Variants in LRRC4C observed in about 807,000 individuals in gnomAD.
LRRC4C encodes the protein leucine-rich repeat-containing protein 4C.
Under a neutral mutation model 33.6 loss-of-function variants are expected in LRRC4C, and 5 were observed. The observed-to-expected ratio is 0.15, with a 90% confidence interval of 0.08 to 0.31. The LOEUF (loss-of-function observed/expected upper bound fraction) is 0.31, where lower values mean the gene tolerates loss of function less well. Ranked by LOEUF, LRRC4C falls within the 10% of genes least tolerant of loss-of-function variation. LRRC4C has a pLI of 1.00. For missense variants in LRRC4C, 560 were observed against 796.7 expected, an observed-to-expected ratio of 0.70 and a Z score of 3.58; for synonymous variants, 329 against 302.0, an observed-to-expected ratio of 1.09 and a Z score of -0.93.
intron 2 of LRRC4C, among the ~76,000 whole-genome samples, chr11:40,909,484 T>A (rs541422211): frequency 1.3e-5 from 2 of 152,214 alleles, no homozygotes; most frequent in Non-Finnish European, 2.9e-5. Context: ...CAGATCAGTA[T>A]CTAAAACAAT....
intron 1 of LRRC4C, among the ~76,000 whole-genome samples, chr11:40,953,031 C>T (rs922333974): frequency 3.3e-5 from 5 of 151,832 alleles, no homozygotes; most frequent in Non-Finnish European, 7.4e-5. Context: ...CATGTAGCAG[C>T]ACCAATGAGC....
At chr11:40,696,281 CATAT>C (rs753906826) in intron 2 of LRRC4C, among the ~76,000 whole-genome samples, 1 of 92,880 alleles carries the variant, frequency 1.1e-5, no homozygotes, top group Admixed American at 9.3e-5. Context: ...CACAATGCCA[CATAT>C]ATATATATAT....
chr11:41,239,321 CAAAAAAAA>C lies in LRRC4C; in HGVS notation c.-496+220102_-496+220109del, dbSNP rs56018613. 5.4e-5 allele frequency among the ~76,000 whole-genome samples: 3 copies of C among 55,168 alleles called. 1 individual carries two copies. The highest frequency in any genetic ancestry group is 9.1e-5 in the Non-Finnish European group (3 of 33,010). The allele number at this position is 55,168 out of a possible 152,430, so 36.2% of individuals were successfully genotyped here. A position where few individuals can be genotyped will look rare whatever the true frequency, so the allele number is the denominator to read the frequency against. ...TGGGTGACAGAGCAAGACTCTGTCTCAAAAAAAAAAAAAAAAAAAAAAAAATGTCCTCC... is the reference window on the plus strand; with the variant it reads ...TGGGTGACAGAGCAAGACTCTGTCTCAAAAAAAAAAAAAAAAATGTCCTCC... On this transcript the variant is annotated intron_variant, in intron 1 of 6. Transcript: ENST00000528697.
chr11:40,535,740 T>C (rs1273179302), intron 3 of LRRC4C, among the ~76,000 whole-genome samples: 1 of 152,226 alleles, frequency 6.6e-6, no homozygotes, highest in African/African-American at 2.4e-5. Flanking sequence ...AGACCAGACA[T>C]GTGAAGAAGG....
chr11:40,751,980 A>G (rs1377392744), intron 2 of LRRC4C, among the ~76,000 whole-genome samples: 3 of 152,116 alleles, frequency 2.0e-5, no homozygotes, highest in African/African-American at 4.8e-5. Context: ...TGACAAATAC[A>G]TCAAGAACAT....
Position 40,915,564 on chromosome 11 carries a change from T to G in LRRC4C, c.-407+18071A>C, listed in dbSNP as rs1480174986. On this transcript the variant is annotated intron_variant, in intron 2 of 6. Transcript: ENST00000528697. ...ATTAATTCAAGATGGATTAAAGACT[T>G]AAATGTTAGACCTAAAACCATAAAA... Among the ~76,000 whole-genome samples, 5 of 152,322 alleles carry G rather than the reference T, an allele frequency of 3.3e-5. 1 individual carries two copies. In the South Asian group the frequency reaches 1.0e-3, roughly 32 times the overall value.
chr11:41,031,875 T>G (rs1253143889), intron 1 of LRRC4C, among the ~76,000 whole-genome samples: 10 of 152,004 alleles, frequency 6.6e-5, no homozygotes, highest in Admixed American at 6.6e-4. Flanking sequence ...TCTGGATACA[T>G]GCCAGAAGCT....
intron 1 of LRRC4C, among the ~76,000 whole-genome samples, chr11:41,069,264 A>C (rs1332177323): frequency 5.3e-5 from 8 of 152,176 alleles, no homozygotes; most frequent in Non-Finnish European, 1.5e-5. Context: ...TTGATGGAAC[A>C]TATCTCCAAA....
intron 2 of LRRC4C, among the ~76,000 whole-genome samples, chr11:40,836,946 G>A (rs1952699591): frequency 6.6e-6 from 1 of 152,016 alleles, no homozygotes; most frequent in Non-Finnish European, 1.5e-5. Context: ...GACAATCAGG[G>A]CTTTATGTTA....
chr11:40,679,679 G>C (rs894793917), intron 2 of LRRC4C, among the ~76,000 whole-genome samples: 2 of 152,190 alleles, frequency 1.3e-5, no homozygotes, highest in African/African-American at 4.8e-5. Context: ...TTGAGCCTGT[G>C]AGTACACAGA....
At chr11:40,793,270 G>T (rs1282738122) in intron 2 of LRRC4C, among the ~76,000 whole-genome samples, 4 of 151,946 alleles carry the variant, frequency 2.6e-5, no homozygotes, top group African/African-American at 7.3e-5. Context: ...AAAATTGAGG[G>T]TCTCGAAAAA....
intron 4 of LRRC4C, among the ~76,000 whole-genome samples, chr11:40,274,152 T>C (rs1942916131): frequency 6.6e-6 from 1 of 151,990 alleles, no homozygotes; most frequent in African/African-American, 2.4e-5. Context: ...TCCTATCTGA[T>C]ACAGCTTTGG....
chr11:40,586,796 G>A (rs1363875823), intron 3 of LRRC4C, among the ~76,000 whole-genome samples: 5 of 151,858 alleles, frequency 3.3e-5, no homozygotes, highest in African/African-American at 9.7e-5. Context: ...TATATGCGGC[G>A]TTATTTCTGA....
At chr11:40,681,147 AG>A (rs1386241154) in intron 2 of LRRC4C, among the ~76,000 whole-genome samples, 1 of 152,208 alleles carries the variant, frequency 6.6e-6, no homozygotes, top group Admixed American at 6.5e-5. Flanking sequence ...GCAGCCTAAT[AG>A]CAGAGGTAAT....
chr11:41,223,279 A>T (rs1253919424), intron 1 of LRRC4C, among the ~76,000 whole-genome samples: 1 of 152,178 alleles, frequency 6.6e-6, no homozygotes, highest in Non-Finnish European at 1.5e-5. Flanking sequence ...CTGAGTTTCA[A>T]ATCAGAGAAG....
chr11:40,534,667 G>A (rs1178036126), intron 3 of LRRC4C, among the ~76,000 whole-genome samples: 1 of 152,142 alleles, frequency 6.6e-6, no homozygotes, highest in Non-Finnish European at 1.5e-5. Flanking sequence ...CCATTACTAT[G>A]TGAAATTCAG....
intron 2 of LRRC4C, among the ~76,000 whole-genome samples, chr11:40,809,990 T>C (rs536602803): frequency 6.6e-6 from 1 of 152,326 alleles, no homozygotes; most frequent in African/African-American, 2.4e-5. Flanking sequence ...TTACTCCACA[T>C]CCTTTCCTAT....
chr11:41,130,017 A>G (rs988177317), intron 1 of LRRC4C, among the ~76,000 whole-genome samples: 12 of 151,922 alleles, frequency 7.9e-5, no homozygotes, highest in Admixed American at 2.0e-4. Flanking sequence ...TTTACTGTCC[A>G]TAGGAGACTA....
intron 1 of LRRC4C, among the ~76,000 whole-genome samples, chr11:41,427,277 G>A (rs1042167687): frequency 3.3e-5 from 5 of 152,056 alleles, no homozygotes; most frequent in African/African-American, 1.2e-4. Context: ...CTTGTTTGCT[G>A]GTTTATTTTT....
Sources: allele counts gnomAD v4.1 joint callset (sites outside exome capture counted in the v4.1 genomes callset), GRCh38; gene constraint gnomAD v4.1.1; transcripts MANE v1.5; gene names NCBI Gene and HGNC (gene_info 2026-07-23, HGNC 2026-07-21).